The following HERC4 variants were observed in gnomAD, a reference collection of about 807,000 sequenced individuals.
HERC4 encodes the protein probable E3 ubiquitin-protein ligase HERC4.
HERC4 carries 28 observed loss-of-function variants against 124.3 expected under a neutral mutation model. The observed-to-expected ratio is 0.23, with a 90% CI of 0.17 to 0.31. HERC4 has a LOEUF of 0.31. HERC4 is among the 10% of genes least tolerant of loss of function. The pLI is 1.00. For missense variants in HERC4, 713 were observed against 1,229.3 expected, an observed-to-expected ratio of 0.58 and a Z score of 6.28; for synonymous variants, 407 against 421.5, an observed-to-expected ratio of 0.97 and a Z score of 0.42.
intron 8 of HERC4, among the ~76,000 whole-genome samples, chr10:68,019,489 G>C (rs1334083458): frequency 6.6e-6 from 1 of 152,078 alleles, no homozygotes; most frequent in African/African-American, 2.4e-5. Context: ...CAGTAGGAGG[G>C]TGAAGAATTT....
chr10:68,005,932 T>C (rs2037518219), intron 9 of HERC4, among the ~76,000 whole-genome samples: 1 of 152,168 alleles, frequency 6.6e-6, no homozygotes, highest in African/African-American at 2.4e-5. Context: ...ACTCCTGGGC[T>C]CAAGCAATCC....
chr10:67,931,910 G>T (rs1247551476), intron 23 of HERC4, among the ~76,000 whole-genome samples: 4 of 152,140 alleles, frequency 2.6e-5, no homozygotes, highest in Non-Finnish European at 4.4e-5. Flanking sequence ...ACAGGTGTTT[G>T]CTACCACATC....
At chr10:67,947,384 G>GAT (rs2033448824) in intron 19 of HERC4, among the ~76,000 whole-genome samples, 1 of 152,178 alleles carries the variant, frequency 6.6e-6, no homozygotes, top group East Asian at 1.9e-4. Context: ...ATTGATAACA[G>GAT]GGTCAATTCA....
intron 3 of HERC4, among the ~76,000 whole-genome samples, chr10:68,062,670 G>C (rs571476176): frequency 6.6e-6 from 1 of 152,060 alleles, no homozygotes; most frequent in Non-Finnish European, 1.5e-5. Context: ...TGAGGCAGGA[G>C]AATCACATGA....
chr10:68,070,612 A>AAAAAAT (rs939798153), intron 3 of HERC4: 4 of 151,762 alleles, frequency 2.6e-5, no homozygotes, highest in East Asian at 1.9e-4. Context: ...GTCTCAAAAA[A>AAAAAAT]AAAAATAAAA....
intron 15 of HERC4, among the ~76,000 whole-genome samples, chr10:67,980,687 C>A (rs1160929863): frequency 1.3e-5 from 2 of 152,004 alleles, no homozygotes; most frequent in African/African-American, 4.8e-5. Flanking sequence ...AAAATAACAA[C>A]TACAACAACT....
At chr10:68,059,576 C>CATA (rs201689697) in intron 3 of HERC4, among the ~76,000 whole-genome samples, 15,447 of 64,848 alleles carry the variant, frequency 0.24, 3,919 homozygotes, top group East Asian at 0.72. Context: ...TATTATATAT[C>CATA]ATATTATATA....
intron 3 of HERC4, among the ~76,000 whole-genome samples, chr10:68,046,383 G>A (rs1384225616): frequency 6.6e-6 from 1 of 152,190 alleles, no homozygotes; most frequent in African/African-American, 2.4e-5. Context: ...AGATAGCAAT[G>A]TAAAGTCAAA....
intron 16 of HERC4, chr10:67,965,462 T>C (rs1367191131): frequency 6.6e-6 from 1 of 152,158 alleles, no homozygotes; most frequent in African/African-American, 2.4e-5. Context: ...ATCTATAGAA[T>C]GGCTATAAAC....
intron 15 of HERC4, among the ~76,000 whole-genome samples, chr10:67,979,004 C>G (rs770077313): frequency 3.9e-5 from 6 of 152,098 alleles, no homozygotes; most frequent in Non-Finnish European, 8.8e-5. Flanking sequence ...TTCCAAGAAG[C>G]ACGAAGACAC....
intron 7 of HERC4, among the ~76,000 whole-genome samples, chr10:68,031,261 G>T (rs1360749451): frequency 6.6e-6 from 1 of 152,122 alleles, no homozygotes; most frequent in Non-Finnish European, 1.5e-5. Flanking sequence ...CTGAAAGGCT[G>T]AATTTGAAAA....
chr10:67,966,831 AT>A, intron 15 of HERC4, 29 bp from the exon 16 acceptor site: 1 of 1,519,644 alleles, frequency 6.6e-7, no homozygotes. Flanking sequence ...TTGACATTAA[AT>A]TTAACCAGTA....
intron 19 of HERC4, among the ~76,000 whole-genome samples, chr10:67,944,149 C>T (rs2033140502): frequency 6.6e-6 from 1 of 152,218 alleles, no homozygotes; most frequent in Non-Finnish European, 1.5e-5. Context: ...AGGTGAGACC[C>T]AGTGCTGTGC....
At chr10:68,026,269 A>C (rs928193886) in intron 7 of HERC4, among the ~76,000 whole-genome samples, 2 of 151,754 alleles carry the variant, frequency 1.3e-5, no homozygotes, top group African/African-American at 4.8e-5. Context: ...CTAATTTTTT[A>C]CTTTTTTGTA....
intron 21 of HERC4, among the ~76,000 whole-genome samples, chr10:67,939,195 T>C (rs745979496): frequency 6.6e-5 from 10 of 152,212 alleles, no homozygotes; most frequent in Non-Finnish European, 1.5e-4. Flanking sequence ...TACAATAACC[T>C]TTTGCTTCTC....
At chr10:68,065,820 A>G (rs1290165042) in intron 3 of HERC4, among the ~76,000 whole-genome samples, 1 of 152,164 alleles carries the variant, frequency 6.6e-6, no homozygotes, top group Non-Finnish European at 1.5e-5. Context: ...CGATTTAACC[A>G]CTGTACTCCA....
chr10:67,941,242 T>C, intron 19 of HERC4, 137 bp from the exon 20 acceptor site: 1 of 557,152 alleles, frequency 1.8e-6, no homozygotes, highest in Non-Finnish European at 3.0e-6. Context: ...TCCTCATTAC[T>C]GTCTCCCTGG....
At position 67,931,894 on chromosome 10, in the gene HERC4, AG is replaced by A. The variant is rs1341149255; in HGVS notation, c.2838+702del. ...TCTCCCACTGCAGCCTCCCACAGGT[AG>A]GACCACAGGTGTTTGCTACCACATC... On this transcript the variant is annotated intron_variant, in intron 23 of 24. Coordinates refer to ENST00000373700, the MANE Select transcript of HERC4 (RefSeq NM_015601.4). 3.3e-5 allele frequency among the ~76,000 whole-genome samples: 5 copies of A among 152,316 alleles called. No individual in the cohort carries two copies. The East Asian group carries it at 9.6e-4, about 29-fold the overall frequency.
At chr10:67,968,781 C>A (rs2035053054) in intron 15 of HERC4, among the ~76,000 whole-genome samples, 1 of 151,796 alleles carries the variant, frequency 6.6e-6, no homozygotes. Flanking sequence ...CACAACAATC[C>A]AAAAACAGCA....
Sources: allele counts gnomAD v4.1 joint callset (sites outside exome capture counted in the v4.1 genomes callset), GRCh38; gene constraint gnomAD v4.1.1; transcripts MANE v1.5; gene names NCBI Gene and HGNC (gene_info 2026-07-23, HGNC 2026-07-21).